MYCT1: variants seen among roughly 807,000 people sequenced by gnomAD.
MYCT1 encodes the protein MYC target 1, also known as myc target protein 1.
A neutral mutation model predicts 15.0 loss-of-function variants in MYCT1; 12 were observed. That is an observed-to-expected ratio of 0.80 (90% CI 0.51 to 1.29). The LOEUF (loss-of-function observed/expected upper bound fraction) is 1.29, where lower values mean the gene tolerates loss of function less well. Among genes scored for constraint, MYCT1 ranks in the 50% most tolerant of loss-of-function variants. The pLI is 0.00. For synonymous variants in MYCT1, 104 were observed against 102.7 expected (o/e 1.01, Z -0.07); for missense variants, 287 against 279.1 (o/e 1.03, Z -0.20).
downstream of MYCT1, among the ~76,000 whole-genome samples, chr6:152,725,388 T>A (rs1457906969): frequency 1.3e-5 from 2 of 152,240 alleles, no homozygotes; most frequent in Non-Finnish European, 2.9e-5. Context: ...ATGTTACTAC[T>A]AAGAAAGTGC....
downstream of MYCT1, among the ~76,000 whole-genome samples, chr6:152,728,647 G>A (rs578006198): frequency 6.6e-6 from 1 of 152,288 alleles, no homozygotes; most frequent in South Asian, 2.1e-4. Flanking sequence ...TGTAATCCCA[G>A]TACTTTGGGA....
the MYCT1 span, among the ~76,000 whole-genome samples, chr6:152,745,132 G>A: frequency 6.6e-6 from 1 of 152,114 alleles, no homozygotes; most frequent in African/African-American, 2.4e-5. Flanking sequence ...CCAAGCTTCG[G>A]TCCCAGGGCC....
chr6:152,712,804 A>G (rs922160883), intron 1 of MYCT1, among the ~76,000 whole-genome samples: 3 of 152,052 alleles, frequency 2.0e-5, no homozygotes, highest in African/African-American at 4.8e-5. Flanking sequence ...TATGAATGTA[A>G]TGTTATTATT....
chr6:152,708,266 C>T (rs1305175233), intron 1 of MYCT1, among the ~76,000 whole-genome samples: 1 of 151,954 alleles, frequency 6.6e-6, no homozygotes, highest in Non-Finnish European at 1.5e-5. Context: ...TGTAATTATA[C>T]TTTCCAGTTG....
At position 152,723,023 on chromosome 6, in the gene MYCT1, C is replaced by A; in HGVS notation, c.*770C>A. ...TCCCAAAGTGCTGGAATTAGCCTGG[C>A]CAATCTTGGATTTTTAATGGAATAT... On this transcript the variant is annotated 3_prime_UTR_variant, in exon 2 of 2. Coordinates refer to ENST00000367245, the MANE Select transcript of MYCT1 (RefSeq NM_025107.3). 6.4e-6 allele frequency: 1 copy of A among 156,558 alleles called. No individual in the cohort carries two copies. The highest frequency in any genetic ancestry group is 1.4e-5 in the Non-Finnish European group (1 of 70,628). 9.7% of individuals were successfully genotyped at this position (156,558 alleles called of 1,614,324 possible).
rs577280251 is a variant in MYCT1 at position 152,712,484 on chromosome 6, C to T, written c.197-9258C>T. ...GGTGAGGCAATGCCTCGCCCTGCTT[C>T]GGCTCGCGCACGGTGCGCACACACA... On this transcript the variant is annotated intron_variant, in intron 1 of 1. Coordinates refer to ENST00000367245, the MANE Select transcript of MYCT1 (RefSeq NM_025107.3). 3.6e-3 allele frequency among the ~76,000 whole-genome samples: 260 copies of T among 72,260 alleles called. 78 individuals carry two copies. The highest frequency in any genetic ancestry group is 8.9e-3 in the African/African-American group (244 of 27,306). 47.4% of individuals were successfully genotyped at this position (72,260 alleles called of 152,430 possible).
rs796743302 is a variant in MYCT1, at chr6:152,705,955, C to G, written c.196+7857C>G. ...GATTTTGTGAATATGGTGGAAAAAGCAATTATTGACCCAACAAAGATTGTG... is the reference window on the plus strand; with the variant it reads ...GATTTTGTGAATATGGTGGAAAAAGGAATTATTGACCCAACAAAGATTGTG... On this transcript the variant is annotated intron_variant, in intron 1 of 1. Coordinates refer to ENST00000367245, the MANE Select transcript of MYCT1 (RefSeq NM_025107.3). The G allele has an allele frequency of 2.7e-5, 21 of 778,610 alleles. No homozygotes were observed. The African/African-American group carries it at 3.1e-4, about 11-fold the overall frequency. The allele number at this position is 778,610 out of a possible 1,614,324, so 48.2% of individuals were successfully genotyped here.
At chr6:152,731,469 C>T in the MYCT1 span, among the ~76,000 whole-genome samples, 3 of 152,142 alleles carry the variant, frequency 2.0e-5, no homozygotes, top group South Asian at 2.1e-4. Flanking sequence ...GTGCTGCACC[C>T]GTTAACTCGT....
the MYCT1 span, among the ~76,000 whole-genome samples, chr6:152,740,307 C>A: frequency 2.0e-5 from 3 of 152,130 alleles, no homozygotes; most frequent in East Asian, 5.8e-4. Flanking sequence ...ACCTCAGCCT[C>A]CCAAAGTGCT....
chr6:152,703,206 T>A (rs1415546529), intron 1 of MYCT1, among the ~76,000 whole-genome samples: 4 of 152,210 alleles, frequency 2.6e-5, no homozygotes, highest in African/African-American at 9.6e-5. Context: ...GTATTTTCAA[T>A]TGGAGGGTTT....
At chr6:152,718,716 T>C (rs1010681182) in intron 1 of MYCT1, among the ~76,000 whole-genome samples, 8 of 152,180 alleles carry the variant, frequency 5.3e-5, no homozygotes, top group South Asian at 4.1e-4. Flanking sequence ...ACAGAGACCA[T>C]GTACAAGGAC....
rs2099722939 is a variant in MYCT1 at position 152,712,554 on chromosome 6, G to A, written c.197-9188G>A. Among the ~76,000 whole-genome samples the A allele has an allele frequency of 9.2e-5, 4 of 43,714 alleles. 2 individuals are homozygous for A. The highest frequency in any genetic ancestry group is 1.1e-4 in the Non-Finnish European group (2 of 17,476). The allele number at this position is 43,714 out of a possible 152,430, so 28.7% of individuals were successfully genotyped here. On this transcript the variant is annotated intron_variant, in intron 1 of 1. Transcript: ENST00000367245. ...TGGCACTCCCTAGTGAGATGAACCC[G>A]GTACCTCAGATGGAAATGCAGAAAT... is the stretch of plus-strand genomic sequence containing the variant.
intron 1 of MYCT1, among the ~76,000 whole-genome samples, chr6:152,706,842 CAT>C (rs1409126596): frequency 1.5e-4 from 18 of 122,282 alleles, no homozygotes; most frequent in Non-Finnish European, 2.3e-4. Flanking sequence ...TTATAGAAAC[CAT>C]ATATGTGTGT....
At position 152,721,991 on chromosome 6, in the gene MYCT1, C is replaced by T; in HGVS notation, c.446C>T (p.Ser149Phe). Reference sequence around the variant, plus strand: ...AGTCTCACCTTCCAGCGACAAGCTTCCCTGGAACAAGCAAATTCCTTTCCA... The same window carrying T: ...AGTCTCACCTTCCAGCGACAAGCTTTCCTGGAACAAGCAAATTCCTTTCCA... ...LASLTFQRQASLEQANSFPRK... is the reference protein window; with the variant it reads ...LASLTFQRQAFLEQANSFPRK... The change falls in exon 2 of 2, where the codon TCC (serine) becomes TTC (phenylalanine). Residue 149 changes from serine to phenylalanine, a missense_variant. Coordinates refer to ENST00000367245, the MANE Select transcript of MYCT1 (RefSeq NM_025107.3). 1 of 1,614,166 alleles carries T rather than the reference C, an allele frequency of 6.2e-7. No homozygotes were observed. The highest frequency in any genetic ancestry group is 2.2e-5 in the East Asian group (1 of 44,880).
intron 1 of MYCT1, among the ~76,000 whole-genome samples, chr6:152,716,014 TTCTC>T (rs1443357421): frequency 6.6e-6 from 1 of 151,622 alleles, no homozygotes; most frequent in Non-Finnish European, 1.5e-5. Flanking sequence ...TTTTATAATG[TTCTC>T]TCTGACTACT....
At chr6:152,707,173 T>C (rs1419816916) in intron 1 of MYCT1, among the ~76,000 whole-genome samples, 1 of 152,084 alleles carries the variant, frequency 6.6e-6, no homozygotes, top group East Asian at 1.9e-4. Flanking sequence ...CTCATTATCT[T>C]TTGTCTTTTT....
the MYCT1 span, among the ~76,000 whole-genome samples, chr6:152,733,846 T>A: frequency 6.6e-6 from 1 of 152,148 alleles, no homozygotes; most frequent in Non-Finnish European, 1.5e-5. Context: ...TTGTCACAAG[T>A]CTTCAGTTAA....
At chr6:152,715,932 T>A (rs1307507663) in intron 1 of MYCT1, among the ~76,000 whole-genome samples, 1 of 152,188 alleles carries the variant, frequency 6.6e-6, no homozygotes, top group East Asian at 1.9e-4. Flanking sequence ...TTTAGGATAT[T>A]CTTAGGCATT....
chr6:152,722,404 T>A lies in MYCT1; in HGVS notation c.*151T>A. 1 of 694,544 alleles carries A rather than the reference T, an allele frequency of 1.4e-6. No individual in the cohort carries two copies. Among genetic ancestry groups the A allele is most frequent in the Non-Finnish European group, 2.3e-6 (1 of 441,224 alleles). The allele number at this position is 694,544 out of a possible 1,614,324, so 43.0% of individuals were successfully genotyped here. On this transcript the variant is annotated 3_prime_UTR_variant, in exon 2 of 2. Coordinates refer to ENST00000367245, the MANE Select transcript of MYCT1 (RefSeq NM_025107.3). ...GTTGTGCAAGTTGGACATTACAATGTAAAACACATTTTCTTCAAACACGTT... is the reference window on the plus strand; with the variant it reads ...GTTGTGCAAGTTGGACATTACAATGAAAAACACATTTTCTTCAAACACGTT...
Sources: gnomAD v4.1 joint callset for allele counts (sites outside exome capture counted in the v4.1 genomes callset) on GRCh38, gnomAD v4.1.1 for gene constraint, MANE v1.5 for transcripts, NCBI Gene and HGNC (gene_info 2026-07-23, HGNC 2026-07-21) for gene names.